Variants in DDHD1 observed in about 807,000 individuals in gnomAD.
The protein encoded by DDHD1 is phospholipase DDHD1.
In DDHD1, 49 loss-of-function variants were observed where a neutral mutation model predicts 96.4. The observed-to-expected ratio is 0.51, with a 90% CI of 0.40 to 0.64. The LOEUF (loss-of-function observed/expected upper bound fraction) is 0.64, where lower values mean the gene tolerates loss of function less well. Among genes scored for constraint, DDHD1 ranks in the 30% least tolerant of loss-of-function variants. The probability of loss-of-function intolerance (pLI) is 0.00; values close to 1 mark genes in which losing one functional copy is unlikely to be tolerated. For synonymous variants in DDHD1, 442 were observed against 446.5 expected (o/e 0.99, Z 0.13); for missense variants, 1,106 against 1,161.2 (o/e 0.95, Z 0.69).
chr14:53,046,674 A>G lies in DDHD1; in HGVS notation c.*94T>C. On this transcript the variant is annotated 3_prime_UTR_variant, in exon 13 of 13. Transcript: ENST00000673822. Reference sequence around the variant, plus strand: ...ATGTTGCCCTAAAGAAAACTGAAATATACTTTAACCCTGAAATCTCCGTAT... The same window carrying G: ...ATGTTGCCCTAAAGAAAACTGAAATGTACTTTAACCCTGAAATCTCCGTAT... 1 of 825,020 alleles carries G rather than the reference A, an allele frequency of 1.2e-6. No homozygotes were observed. Among genetic ancestry groups the G allele is most frequent in the Non-Finnish European group, 1.8e-6 (1 of 563,444 alleles). The allele number at this position is 825,020 out of a possible 1,614,324, so 51.1% of individuals were successfully genotyped here.
At chr14:53,064,979 C>A (rs1883898033) in intron 6 of DDHD1, among the ~76,000 whole-genome samples, 1 of 152,078 alleles carries the variant, frequency 6.6e-6, no homozygotes. Flanking sequence ...TAATTAGGAT[C>A]CCTTTGTGAC....
chr14:53,121,935 A>AAGG (rs1555340237), intron 1 of DDHD1, among the ~76,000 whole-genome samples: 3 of 149,952 alleles, frequency 2.0e-5, no homozygotes, highest in African/African-American at 7.3e-5. Context: ...AAAAAAAAAA[A>AAGG]GGGCAAATGA....
intron 5 of DDHD1, among the ~76,000 whole-genome samples, chr14:53,073,076 T>C (rs1360909411): frequency 6.6e-6 from 1 of 152,024 alleles, no homozygotes; most frequent in South Asian, 2.1e-4. Flanking sequence ...TAATATTATA[T>C]CCAGTATAAC....
intron 1 of DDHD1, among the ~76,000 whole-genome samples, chr14:53,114,118 G>A (rs190536545): frequency 2.5e-4 from 38 of 152,146 alleles, no homozygotes; most frequent in Admixed American, 1.0e-3. Flanking sequence ...TGGACTGGGC[G>A]GAATTCACCA....
chr14:53,100,933 T>G (rs1313520269), intron 2 of DDHD1, among the ~76,000 whole-genome samples: 1 of 152,200 alleles, frequency 6.6e-6, no homozygotes, highest in Non-Finnish European at 1.5e-5. Flanking sequence ...GTACTTACTC[T>G]TTTGTAACTG....
intron 7 of DDHD1, among the ~76,000 whole-genome samples, 184 bp downstream of exon 7, chr14:53,062,759 G>C (rs1367841216): frequency 6.6e-6 from 1 of 152,152 alleles, no homozygotes; most frequent in Non-Finnish European, 1.5e-5. Flanking sequence ...TTATGCTACA[G>C]GAAAATGCAT....
At chr14:53,146,323 G>A (rs1261243672) in intron 1 of DDHD1, among the ~76,000 whole-genome samples, 1 of 151,194 alleles carries the variant, frequency 6.6e-6, no homozygotes, top group Admixed American at 6.6e-5. Flanking sequence ...GGCCAAAACG[G>A]TGAAACTCCA....
chr14:53,091,820 T>C lies in DDHD1; in HGVS notation c.1254A>G (p.Lys418=). The part of the protein sequence containing the change: ...IVFVVHGIGQ[K]MDQGRIIKNT... ...TTTTGATAATTCTTCCTTGGTCCAT[T>C]TTCTGCCCAATGCCATGCACAACAA... The change falls in exon 4 of 13, where the codon AAA becomes AAG. Residue 418 remains lysine (K), a synonymous_variant. Coordinates refer to ENST00000673822, the MANE Select transcript of DDHD1 (RefSeq NM_001160148.2). 1.2e-6 allele frequency: 2 copies of C among 1,613,604 alleles called. No individual in the cohort carries two copies. The highest frequency in any genetic ancestry group is 1.7e-6 in the Non-Finnish European group (2 of 1,179,752).
chr14:53,112,356 G>C (rs894910563), intron 1 of DDHD1, among the ~76,000 whole-genome samples: 2 of 151,972 alleles, frequency 1.3e-5, no homozygotes, highest in Admixed American at 6.5e-5. Context: ...GGCAGAGGTT[G>C]CAGTGAGCTG....
Position 53,042,899 on chromosome 14 carries a change from T to TA in DDHD1, c.*3868dup, listed in dbSNP as rs1881751329. On this transcript the variant is annotated 3_prime_UTR_variant, in exon 13 of 13. Transcript: ENST00000673822. Reference sequence around the variant, plus strand: ...TTTTTAGAAGAGCAATTTTAATACATACACTCAAATTAGTTTTCTCGATTG... The same window carrying TA: ...TTTTTAGAAGAGCAATTTTAATACATAACACTCAAATTAGTTTTCTCGATTG... 6.6e-6 allele frequency: 1 copy of TA among 152,248 alleles called. No individual in the cohort carries two copies. The highest frequency in any genetic ancestry group is 6.5e-5 in the Admixed American group (1 of 15,288). 9.4% of individuals were successfully genotyped at this position (152,248 alleles called of 1,614,324 possible).
intron 1 of DDHD1, among the ~76,000 whole-genome samples, chr14:53,139,870 C>T (rs1028575911): frequency 1.3e-5 from 2 of 149,328 alleles, no homozygotes; most frequent in African/African-American, 5.0e-5. Flanking sequence ...AATCAACAGA[C>T]CCAAACCAGA....
At chr14:53,086,455 C>T (rs1029969346) in intron 4 of DDHD1, among the ~76,000 whole-genome samples, 14 of 152,158 alleles carry the variant, frequency 9.2e-5, no homozygotes, top group African/African-American at 2.4e-4. Context: ...GCGGATCTCT[C>T]GGCAGAAACT....
In DDHD1 at chr14:53,063,029, C is replaced by T; in HGVS notation, c.1680G>A (p.Leu560=). 6.2e-7 allele frequency: 1 copy of T among 1,613,906 alleles called. No individual in the cohort carries two copies. The highest frequency in any genetic ancestry group is 1.1e-5 in the South Asian group (1 of 91,076). ...CATCAGGCAACTCTTCTTCCTTTTGCAGCAACTGTTCATACAGCCGAACTG... is the reference window on the plus strand; with the variant it reads ...CATCAGGCAACTCTTCTTCCTTTTGTAGCAACTGTTCATACAGCCGAACTG... ...WNPVRLYEQL[L]QKEEELPDER... Residue 560 remains leucine, a synonymous_variant, in exon 7 of 13, where the codon CTG becomes CTA. Transcript: ENST00000673822.
Position 53,063,136 on chromosome 14 carries a change from CAA to C in DDHD1, c.1571_1572del (p.Phe524Ter). ...YSLFCSRNPD[F>X]EEKGGKVSIV... ...ATTGAGACTTTACCCCCTTTTTCTT[CAA>C]AGTCTGGATTCCGAGAACAGAAAAG... On this transcript the variant is annotated frameshift_variant, in exon 7 of 13. Transcript: ENST00000673822. LOFTEE classifies it high-confidence loss of function. 1 of 1,613,990 alleles carries C rather than the reference CAA, an allele frequency of 6.2e-7. No homozygotes were observed. The highest frequency in any genetic ancestry group is 8.5e-7 in the Non-Finnish European group (1 of 1,179,950).
Position 53,152,706 on chromosome 14 carries a change from C to G in DDHD1, c.393G>C (p.Gly131=). ...GGGACCCTCCTGTCGCGCCGCCGCCCCCCGAGTTCGTCGGGACCAGCGGAG... is the reference window on the plus strand; with the variant it reads ...GGGACCCTCCTGTCGCGCCGCCGCCGCCCGAGTTCGTCGGGACCAGCGGAG... ...QQPPLVPTNS[G]GGGATGGSPG... is the part of the protein sequence containing the mutation. Residue 131 remains glycine, a synonymous_variant, in exon 1 of 13, where the codon GGG becomes GGC. Transcript: ENST00000673822. 6.2e-7 allele frequency: 1 copy of G among 1,610,132 alleles called. No individual in the cohort carries two copies. The highest frequency in any genetic ancestry group is 8.5e-7 in the Non-Finnish European group (1 of 1,178,660).
At position 53,080,248 on chromosome 14, in the gene DDHD1, C is replaced by G. The variant is rs1885344267; in HGVS notation, c.1290-6401G>C. 3.3e-5 allele frequency among the ~76,000 whole-genome samples: 5 copies of G among 152,112 alleles called. No individual in the cohort carries two copies. In the South Asian group the frequency reaches 1.0e-3, roughly 31 times the overall value. On this transcript the variant is annotated intron_variant, in intron 4 of 12. Coordinates refer to ENST00000673822, the MANE Select transcript of DDHD1 (RefSeq NM_001160148.2). The stretch of plus-strand genomic sequence containing the variant: ...TGGTGGTGTGCACCTGTAGTCCCAG[C>G]TATTTGGGAGGCTGAGGCAGAAGAA...
intron 1 of DDHD1, among the ~76,000 whole-genome samples, chr14:53,134,060 C>T (rs1450864053): frequency 1.3e-5 from 2 of 152,144 alleles, no homozygotes; most frequent in Non-Finnish European, 1.5e-5. Flanking sequence ...CAGTAATAAA[C>T]CTTATGAGCC....
Position 53,039,679 on chromosome 14 carries a change from G to GT in DDHD1, c.*7088dup, listed in dbSNP as rs1881510290. The GT allele has an allele frequency of 6.6e-6, 1 of 152,344 alleles. No individual in the cohort carries two copies. The allele number at this position is 152,344 out of a possible 1,614,324, so 9.4% of individuals were successfully genotyped here. ...AAAGGCAAATGGAATGTAGTTTGCT[G>GT]TAACAAAAATATAGTTTGATTGTTG... is the stretch of plus-strand genomic sequence containing the variant. On this transcript the variant is annotated 3_prime_UTR_variant, in exon 13 of 13. Coordinates refer to ENST00000673822, the MANE Select transcript of DDHD1 (RefSeq NM_001160148.2).
At chr14:53,078,977 T>C (rs369584930) in intron 4 of DDHD1, among the ~76,000 whole-genome samples, 17 of 152,286 alleles carry the variant, frequency 1.1e-4, no homozygotes, top group East Asian at 7.7e-4. Flanking sequence ...TGTTTTTTTT[T>C]CCTTCATTCT....
Sources: allele counts gnomAD v4.1 joint callset (sites outside exome capture counted in the v4.1 genomes callset), GRCh38; gene constraint gnomAD v4.1.1; transcripts MANE v1.5; gene names NCBI Gene and HGNC (gene_info 2026-07-23, HGNC 2026-07-21).